DLGAP2: variants seen among roughly 807,000 people sequenced by gnomAD.
DLGAP2 encodes disks large-associated protein 2.
A neutral mutation model predicts 100.3 loss-of-function variants in DLGAP2; 26 were observed. That is an observed-to-expected ratio of 0.26 (90% CI 0.19 to 0.36). The LOEUF (loss-of-function observed/expected upper bound fraction) is 0.36, where lower values mean the gene tolerates loss of function less well. Among genes scored for constraint, DLGAP2 ranks in the 10% least tolerant of loss-of-function variants. DLGAP2 has a pLI of 1.00. For missense variants in DLGAP2, 1,858 were observed against 1,453.2 expected (o/e 1.28, Z -4.53); for synonymous variants, 886 against 630.1 (o/e 1.41, Z -6.08).
At chr8:1,338,992 G>C (rs1390346072) in intron 3 of DLGAP2, among the ~76,000 whole-genome samples, 1 of 151,220 alleles carries the variant, frequency 6.6e-6, no homozygotes, top group Non-Finnish European at 1.5e-5. Flanking sequence ...TGAGGCGTCA[G>C]GACCTGGCAG....
rs538900404 is a variant in DLGAP2 at position 1,189,183 on chromosome 8, C to T, written c.74-69668C>T. On this transcript the variant is annotated intron_variant, in intron 2 of 14. Transcript: ENST00000637795. ...GGGTTCGGGCCCCAGGCCGATTCCG[C>T]GGTTGGGGTTGACCTTACACAGGAT... Among the ~76,000 whole-genome samples the T allele has an allele frequency of 2.7e-5, 4 of 150,002 alleles. No homozygotes were observed. In the East Asian group the frequency reaches 5.9e-4, roughly 22 times the overall value.
At chr8:1,202,926 T>G (rs1164781323) in intron 2 of DLGAP2, among the ~76,000 whole-genome samples, 2 of 152,200 alleles carry the variant, frequency 1.3e-5, no homozygotes, top group East Asian at 3.9e-4. Context: ...TTTTCACAGA[T>G]GGGGTGAGCA....
At chr8:1,487,745 G>C (rs1271910415) in intron 3 of DLGAP2, among the ~76,000 whole-genome samples, 1 of 152,214 alleles carries the variant, frequency 6.6e-6, no homozygotes, top group Non-Finnish European at 1.5e-5. Context: ...TGCGTCCCAA[G>C]CATGCACCAC....
intron 8 of DLGAP2, among the ~76,000 whole-genome samples, chr8:1,654,659 C>T: frequency 8.8e-6 from 1 of 114,132 alleles, no homozygotes; most frequent in East Asian, 3.2e-4. Context: ...GAAACTCCGT[C>T]TCAAAAAAAA....
chr8:1,100,538 A>G (rs574620026), intron 2 of DLGAP2, among the ~76,000 whole-genome samples: 1 of 148,576 alleles, frequency 6.7e-6, no homozygotes, highest in South Asian at 2.2e-4. Context: ...GCACGTGCCT[A>G]CCCACAGTTT....
intron 2 of DLGAP2, among the ~76,000 whole-genome samples, chr8:964,779 C>G (rs531290097): frequency 6.6e-6 from 1 of 152,324 alleles, no homozygotes; most frequent in East Asian, 1.9e-4. Context: ...GGCCACACTT[C>G]TTGCTGCTCT....
chr8:1,602,038 C>T (rs1296135416), intron 6 of DLGAP2, among the ~76,000 whole-genome samples: 1 of 151,792 alleles, frequency 6.6e-6, no homozygotes, highest in Non-Finnish European at 1.5e-5. Flanking sequence ...AGCTGTCAGT[C>T]CTGCTGCCTG....
At chr8:936,897 C>G (rs567913674) in intron 2 of DLGAP2, among the ~76,000 whole-genome samples, 1 of 152,272 alleles carries the variant, frequency 6.6e-6, no homozygotes, top group East Asian at 1.9e-4. Context: ...ATCGTTTCAC[C>G]ACCGTGGACC....
chr8:1,233,085 A>C lies in DLGAP2; in HGVS notation c.74-25766A>C, dbSNP rs1165176189. Among the ~76,000 whole-genome samples the C allele has an allele frequency of 2.0e-5, 3 of 152,274 alleles. No homozygotes were observed. In the East Asian group the frequency reaches 5.8e-4, roughly 29 times the overall value. ...ACTTAGCACCACGTGTTCAAGTTTCATCCATGTGGTAGCAGTGCCAGCGCC... is the reference window on the plus strand; with the variant it reads ...ACTTAGCACCACGTGTTCAAGTTTCCTCCATGTGGTAGCAGTGCCAGCGCC... On this transcript the variant is annotated intron_variant, in intron 2 of 14. Coordinates refer to ENST00000637795, the MANE Select transcript of DLGAP2 (RefSeq NM_001346810.2).
intron 2 of DLGAP2, among the ~76,000 whole-genome samples, chr8:1,071,303 T>C (rs1200974539): frequency 6.6e-6 from 1 of 152,238 alleles, no homozygotes; most frequent in Non-Finnish European, 1.5e-5. Flanking sequence ...ACCACCACTT[T>C]CCACAATGCC....
chr8:805,520 G>A (rs974395442), intron 1 of DLGAP2, among the ~76,000 whole-genome samples: 1 of 152,174 alleles, frequency 6.6e-6, no homozygotes, highest in Admixed American at 6.5e-5. Flanking sequence ...GCTCGCAATC[G>A]GGTTGCATTT....
At position 1,317,078 on chromosome 8, in the gene DLGAP2, G is replaced by A. The variant is rs1251308980; in HGVS notation, c.106+58195G>A. Among the ~76,000 whole-genome samples, 4 of 131,370 alleles carry A rather than the reference G, an allele frequency of 3.0e-5. 1 individual carries two copies. Among genetic ancestry groups the A allele is most frequent in the Admixed American group, 1.6e-4 (2 of 12,674 alleles). The allele number at this position is 131,370 out of a possible 152,430, so 86.2% of individuals were successfully genotyped here. On this transcript the variant is annotated intron_variant, in intron 3 of 14. Transcript: ENST00000637795. ...GTCTCTCCAACAGTGGTCTACACTC[G>A]AGACACTCGGCAGCGTTTAAAAATA...
intron 1 of DLGAP2, among the ~76,000 whole-genome samples, chr8:809,087 A>G (rs1796321722): frequency 1.3e-5 from 2 of 151,836 alleles, no homozygotes; most frequent in South Asian, 2.1e-4. Flanking sequence ...TTTTATTTTT[A>G]GTAGACAGGA....
chr8:971,208 G>A (rs1263995137), intron 2 of DLGAP2, among the ~76,000 whole-genome samples: 1 of 152,152 alleles, frequency 6.6e-6, no homozygotes, highest in Admixed American at 6.5e-5. Context: ...TCAAATACCT[G>A]TATGTATCCA....
intron 3 of DLGAP2, among the ~76,000 whole-genome samples, chr8:1,358,911 G>T (rs1331001873): frequency 1.3e-5 from 2 of 150,772 alleles, no homozygotes; most frequent in Non-Finnish European, 3.0e-5. Context: ...AATTCTCGGT[G>T]CAGAGGCCCC....
rs1803284369 is a variant in DLGAP2 at position 1,067,279 on chromosome 8, G to T, written c.73+159313G>T. Among the ~76,000 whole-genome samples, 4 of 152,190 alleles carry T rather than the reference G, an allele frequency of 2.6e-5. No individual in the cohort carries two copies. The South Asian group carries it at 8.3e-4, about 32-fold the overall frequency. ...CAAGGAGAGACTGAGAAGGCTGAAGGGTATGCTCTGGTCAGGAGGTTCTAC... is the reference window on the plus strand; with the variant it reads ...CAAGGAGAGACTGAGAAGGCTGAAGTGTATGCTCTGGTCAGGAGGTTCTAC... On this transcript the variant is annotated intron_variant, in intron 2 of 14. Transcript: ENST00000637795.
intron 2 of DLGAP2, among the ~76,000 whole-genome samples, chr8:1,012,451 C>G (rs995728213): frequency 6.6e-6 from 1 of 152,258 alleles, no homozygotes; most frequent in African/African-American, 2.4e-5. Flanking sequence ...GTGGCTGCCT[C>G]TGCGGGAACT....
intron 3 of DLGAP2, among the ~76,000 whole-genome samples, chr8:1,282,141 C>G (rs200322645): frequency 2.0e-5 from 3 of 149,984 alleles, no homozygotes; most frequent in Non-Finnish European, 3.0e-5. Context: ...TGACCTGAAC[C>G]CAGCGCATGT....
chr8:1,192,566 G>A (rs1474250133), intron 2 of DLGAP2, among the ~76,000 whole-genome samples: 1 of 146,990 alleles, frequency 6.8e-6, no homozygotes, highest in Non-Finnish European at 1.5e-5. Flanking sequence ...TCTGTCCCCA[G>A]CCCCGCCCTC....
Sources: gnomAD v4.1 joint callset for allele counts (sites outside exome capture counted in the v4.1 genomes callset) on GRCh38, gnomAD v4.1.1 for gene constraint, MANE v1.5 for transcripts, NCBI Gene and HGNC (gene_info 2026-07-23, HGNC 2026-07-21) for gene names.